COG4: variants seen among roughly 807,000 people sequenced by gnomAD.
COG4 encodes conserved oligomeric Golgi complex subunit 4.
A neutral mutation model predicts 95.1 loss-of-function variants in COG4; 65 were observed. The ratio of observed to expected loss-of-function variants is 0.68; its 90% CI spans 0.56 to 0.84. COG4 has a LOEUF of 0.84. Among genes scored for constraint, COG4 ranks in the 40% least tolerant of loss-of-function variants. The pLI is 0.00. For synonymous variants in COG4, 421 were observed against 374.8 expected (o/e 1.12, Z -1.42); for missense variants, 1,045 against 989.1 (o/e 1.06, Z -0.76).
chr16:70,499,189 TA>T (rs1359526435), intron 9 of COG4, among the ~76,000 whole-genome samples: 3 of 152,192 alleles, frequency 2.0e-5, no homozygotes, highest in Non-Finnish European at 4.4e-5. Flanking sequence ...TTTTTTTTAT[TA>T]AATTTTTTTT....
At chr16:70,514,624 A>C in intron 3 of COG4, 115 bp from the exon 4 acceptor site, 301 of 795,034 alleles carry the variant, frequency 3.8e-4, no homozygotes, top group Non-Finnish European at 5.7e-4. Context: ...TAGCAATCTC[A>C]CAAACACCAC....
At chr16:70,517,241 A>C (rs1338023314) in intron 3 of COG4, among the ~76,000 whole-genome samples, 1 of 152,028 alleles carries the variant, frequency 6.6e-6, no homozygotes, top group Non-Finnish European at 1.5e-5. Context: ...GGCAGTAAAG[A>C]AGCTATTGGC....
At chr16:70,491,520 C>CCAAA (rs1365829104) in intron 12 of COG4, among the ~76,000 whole-genome samples, 77 of 54,844 alleles carry the variant, frequency 1.4e-3, no homozygotes, top group African/African-American at 6.8e-3. Context: ...GACTCTGTCT[C>CCAAA]AAAAAAAAAA....
At chr16:70,506,618 C>G (rs4985410) in intron 8 of COG4, among the ~76,000 whole-genome samples, 1 of 59,910 alleles carries the variant, frequency 1.7e-5, no homozygotes, top group Non-Finnish European at 2.9e-5. Context: ...AAAAAAAAAA[C>G]AAAAAAAAAA....
rs67706790 is a variant in COG4, at chr16:70,503,595, C to CTTTTTTTTT, written c.1062-2513_1062-2505dup. Among the ~76,000 whole-genome samples, 298 of 125,644 alleles carry CTTTTTTTTT rather than the reference C, an allele frequency of 2.4e-3. 34 individuals carry two copies. Among genetic ancestry groups the CTTTTTTTTT allele is most frequent in the African/African-American group, 0.013 (274 of 21,728 alleles). 82.4% of individuals were successfully genotyped at this position (125,644 alleles called of 152,430 possible). On this transcript the variant is annotated intron_variant, in intron 8 of 18. Coordinates refer to ENST00000323786, the MANE Select transcript of COG4 (RefSeq NM_015386.3). ...CCTCACATCTTAACTCCTACTTACT[C>CTTTTTTTTT]TTTTTTTTTTTTTTTTTGAGACGGA...
chr16:70,492,415 T>C (rs2049262369), intron 12 of COG4, among the ~76,000 whole-genome samples: 1 of 152,148 alleles, frequency 6.6e-6, no homozygotes, highest in East Asian at 1.9e-4. Context: ...TCACAGCAGT[T>C]TGGGAGGCCG....
In COG4 at chr16:70,509,919, CA is replaced by C; in HGVS notation, c.840del (p.Phe280LeufsTer14). 1 of 1,612,934 alleles carries C rather than the reference CA, an allele frequency of 6.2e-7. No homozygotes were observed. On this transcript the variant is annotated frameshift_variant, in exon 6 of 19. Transcript: ENST00000323786. LOFTEE classifies it high-confidence loss of function. The part of the protein sequence containing the change: ...VIFADTLTLL[F>X]EGIARIVETH... ...TAGAGCGGAGAAAGAGGCTCACCTTCAAACAGAAGAGTAAGTGTATCTGCAA... is the reference window on the plus strand; with the variant it reads ...TAGAGCGGAGAAAGAGGCTCACCTTCAACAGAAGAGTAAGTGTATCTGCAA...
chr16:70,506,618 C>CAAAAAA (rs1212409898), intron 8 of COG4, among the ~76,000 whole-genome samples: 4 of 59,944 alleles, frequency 6.7e-5, no homozygotes, highest in Admixed American at 5.8e-4. Context: ...AAAAAAAAAA[C>CAAAAAA]AAAAAAAAAA....
chr16:70,522,467 A>C (rs188575408), intron 1 of COG4, among the ~76,000 whole-genome samples: 34 of 152,316 alleles, frequency 2.2e-4, no homozygotes, highest in African/African-American at 6.7e-4. Context: ...TAACAAAACA[A>C]AACAAAAAAC....
chr16:70,484,539 G>A (rs1329858022), intron 13 of COG4, among the ~76,000 whole-genome samples: 1 of 152,186 alleles, frequency 6.6e-6, no homozygotes, highest in Non-Finnish European at 1.5e-5. Context: ...CAAAGGGGAT[G>A]GTCAAGATCA....
intron 1 of COG4, among the ~76,000 whole-genome samples, chr16:70,520,804 T>C (rs2049926241): frequency 6.6e-6 from 1 of 152,156 alleles, no homozygotes; most frequent in Non-Finnish European, 1.5e-5. Context: ...GCAACCTCAA[T>C]TTATGTAACA....
chr16:70,490,376 A>G lies in COG4; in HGVS notation c.1664T>C (p.Val555Ala), dbSNP rs1244674173. 12 of 1,613,686 alleles carry G rather than the reference A, an allele frequency of 7.4e-6. No homozygotes were observed. Among genetic ancestry groups the G allele is most frequent in the Non-Finnish European group, 1.0e-5 (12 of 1,179,802 alleles). Reference protein sequence around the residue: ...KMSFLVTLNNVEVCSENISTL... With the variant: ...KMSFLVTLNNAEVCSENISTL... ...GGAGATGTTTTCACTGCAGACTTCC[A>G]CGTTGTTCAGAGTCACCTGGGAGAT... The change falls in exon 13 of 19, where the codon GTG (valine) becomes GCG (alanine). Residue 555 changes from valine to alanine, a missense_variant. Transcript: ENST00000323786.
chr16:70,484,617 C>CTGGCGCACTTCAGCAGGGGTG, intron 13 of COG4, among the ~76,000 whole-genome samples: 1 of 152,178 alleles, frequency 6.6e-6, no homozygotes, highest in Non-Finnish European at 1.5e-5. Flanking sequence ...ATTAAAGTAC[C>CTGGCGCACTTCAGCAGGGGTG]AGGCTGGGCG....
rs746447374 is a variant in COG4 at position 70,482,828 on chromosome 16, A to C, written c.1828-7T>G. 2 of 1,611,970 alleles carry C rather than the reference A, an allele frequency of 1.2e-6. No homozygotes were observed. Among genetic ancestry groups the C allele is most frequent in the Admixed American group, 3.3e-5 (2 of 59,944 alleles). On this transcript the variant is annotated splice_polypyrimidine_tract_variant and splice_region_variant and intron_variant, in intron 14 of 18. Coordinates refer to ENST00000323786, the MANE Select transcript of COG4 (RefSeq NM_015386.3). ...TGAGCTCCGTCAGCCCTTCCTGCACAAGGACAAGGTGGAGACATGTGACAC... is the reference window on the plus strand; with the variant it reads ...TGAGCTCCGTCAGCCCTTCCTGCACCAGGACAAGGTGGAGACATGTGACAC...
At chr16:70,517,356 G>C (rs1287264661) in intron 3 of COG4, among the ~76,000 whole-genome samples, 1 of 151,884 alleles carries the variant, frequency 6.6e-6, no homozygotes, top group East Asian at 1.9e-4. Flanking sequence ...CATGGCGAAA[G>C]GTGGAAGGAT....
rs913695297 is a variant in COG4, at chr16:70,523,298, C to A, written c.171+75G>T. On this transcript the variant is annotated intron_variant, in intron 1 of 18. Coordinates refer to ENST00000323786, the MANE Select transcript of COG4 (RefSeq NM_015386.3). ...ATCCCCCAGCAAGGAGAGTTTCCCA[C>A]AGCCCGGATTTCCCGACTGAAGGCT... 1.3e-5 allele frequency: 21 copies of A among 1,573,530 alleles called. No homozygotes were observed. In the South Asian group the frequency reaches 1.6e-4, roughly 12 times the overall value.
At chr16:70,512,488 C>T in intron 4 of COG4, 56 bp from the exon 5 acceptor site, 1 of 1,446,346 alleles carries the variant, frequency 6.9e-7, no homozygotes, top group Non-Finnish European at 9.6e-7. Context: ...GTGGCAGGTC[C>T]ATGCCACTTT....
chr16:70,503,426 T>C (rs8052125), intron 8 of COG4, among the ~76,000 whole-genome samples: 1 of 151,948 alleles, frequency 6.6e-6, no homozygotes, highest in African/African-American at 2.4e-5. Flanking sequence ...ACAAGACTCT[T>C]AACAGCCTGA....
At chr16:70,506,568 C>A (rs989392832) in intron 8 of COG4, among the ~76,000 whole-genome samples, 28 of 128,042 alleles carry the variant, frequency 2.2e-4, no homozygotes, top group Non-Finnish European at 3.3e-4. Flanking sequence ...TGCACTCCAG[C>A]CTGGGCAACA....
Sources: allele counts gnomAD v4.1 joint callset (sites outside exome capture counted in the v4.1 genomes callset), GRCh38; gene constraint gnomAD v4.1.1; transcripts MANE v1.5; gene names NCBI Gene and HGNC (gene_info 2026-07-23, HGNC 2026-07-21).